The following SYTL4 variants were observed in gnomAD, a reference collection of about 807,000 sequenced individuals.
SYTL4 encodes the protein synaptotagmin-like protein 4.
SYTL4 carries 16 observed loss-of-function variants against 52.7 expected under a neutral mutation model. The ratio of observed to expected loss-of-function variants is 0.30; its 90% CI spans 0.21 to 0.46. The LOEUF is 0.46. Among genes scored for constraint, SYTL4 ranks in the 20% least tolerant of loss-of-function variants. The pLI is 1.00. For synonymous variants in SYTL4, 160 were observed against 186.6 expected (o/e 0.86, Z 1.16); for missense variants, 423 against 519.9 (o/e 0.81, Z 1.81).
chrX:100,716,514 C>A (rs1321960730), intron 2 of SYTL4, among the ~76,000 whole-genome samples: 2 of 54,776 alleles, frequency 3.7e-5, no homozygotes, highest in Non-Finnish European at 3.5e-5. Flanking sequence ...AAAATGAAAC[C>A]AAATCCAGAG....
At chrX:100,691,284 A>G (rs1391560163) in intron 8 of SYTL4, 75 bp from the exon 9 acceptor site, 2 of 700,248 alleles carry the variant, frequency 2.9e-6, no homozygotes, top group African/African-American at 4.2e-5. Flanking sequence ...TTTCCAATCC[A>G]TTCACAATCG....
At chrX:100,698,636 A>C (rs1044986203) in intron 8 of SYTL4, among the ~76,000 whole-genome samples, 1 of 111,934 alleles carries the variant, frequency 8.9e-6, no homozygotes, top group Non-Finnish European at 1.9e-5. Context: ...CAGCCAAGAT[A>C]CCATTCAAGT....
At chrX:100,682,568 G>A (rs1360213907) in intron 16 of SYTL4, among the ~76,000 whole-genome samples, 3 of 109,934 alleles carry the variant, frequency 2.7e-5, no homozygotes, top group African/African-American at 6.6e-5. Context: ...ATCAGCCGAC[G>A]GGGTGGTGTG....
Position 100,678,538 on chromosome X carries a change from G to A in SYTL4, c.1720C>T (p.Leu574=). 1 of 1,211,398 alleles carries A rather than the reference G, an allele frequency of 8.3e-7. No individual in the cohort carries two copies. The highest frequency in any genetic ancestry group is 1.1e-6 in the Non-Finnish European group (1 of 895,237). Residue 574 remains leucine, a synonymous_variant, in exon 19 of 20, where the codon CTG becomes TTG. Transcript: ENST00000372989. ...AATGTATGGTTGTAGTGAGGATTCA[G>A]GGTCTTCTTCATCACAGGAGTTTTA... ...KRKTPVMKKT[L]NPHYNHTFVY... is the part of the protein sequence containing the mutation.
chrX:100,724,313 G>C (rs1401360000), intron 2 of SYTL4, among the ~76,000 whole-genome samples: 1 of 103,261 alleles, frequency 9.7e-6, no homozygotes, highest in Non-Finnish European at 2.0e-5. Flanking sequence ...CTGCCCGGCC[G>C]CCCCTACTGG....
intron 12 of SYTL4, among the ~76,000 whole-genome samples, chrX:100,689,639 CAAAAAAAAAA>C (rs58418223): frequency 1.0e-4 from 4 of 39,658 alleles, no homozygotes; most frequent in Non-Finnish European, 1.6e-4. Flanking sequence ...AACTCCGTCT[CAAAAAAAAAA>C]AAAAAAAAAA....
intron 2 of SYTL4, among the ~76,000 whole-genome samples, chrX:100,725,845 A>G (rs1402246086): frequency 9.0e-6 from 1 of 111,491 alleles, no homozygotes; most frequent in African/African-American, 3.3e-5. Flanking sequence ...ATAGGCCCTC[A>G]GTAAATCAAA....
intron 2 of SYTL4, among the ~76,000 whole-genome samples, chrX:100,730,892 A>G (rs1602962225): frequency 9.4e-6 from 1 of 106,142 alleles, no homozygotes; most frequent in Admixed American, 1.0e-4. Context: ...TAAGTCATTA[A>G]TACCTCAATA....
At chrX:100,694,745 T>C (rs991615467) in intron 8 of SYTL4, among the ~76,000 whole-genome samples, 2 of 112,043 alleles carry the variant, frequency 1.8e-5, no homozygotes, top group Admixed American at 9.5e-5. Context: ...TAGGCATTCA[T>C]AGATATTTGT....
rs747704702 is a variant in SYTL4, at chrX:100,701,062, C to T, written c.437-63G>A. 1.0e-3 allele frequency: 1,025 copies of T among 979,636 alleles called. 5 individuals carry two copies. The Middle Eastern group carries it at 0.011, about 11-fold the overall frequency. The allele number at this position is 979,636 out of a possible 1,213,427, so 80.7% of individuals were successfully genotyped here. A position where few individuals can be genotyped will look rare whatever the true frequency, so the allele number is the denominator to read the frequency against. On this transcript the variant is annotated intron_variant, in intron 7 of 19. Coordinates refer to ENST00000372989, the MANE Select transcript of SYTL4 (RefSeq NM_001370165.1). ...TGAGTAGGGGAAAAAGGAAACAACC[C>T]TCATAGCAAATCCCCTGAAATACAC...
intron 8 of SYTL4, among the ~76,000 whole-genome samples, chrX:100,699,693 A>G (rs1311213464): frequency 1.2e-5 from 1 of 85,969 alleles, no homozygotes; most frequent in Non-Finnish European, 2.2e-5. Flanking sequence ...ATGGGGTTTC[A>G]CCATGTTGGC....
At chrX:100,709,768 G>GTA (rs1220561954) in intron 2 of SYTL4, among the ~76,000 whole-genome samples, 2 of 112,430 alleles carry the variant, frequency 1.8e-5, no homozygotes, top group South Asian at 7.3e-4. Context: ...TTGTCAGTTT[G>GTA]TATATGTTCA....
chrX:100,709,141 T>A (rs761818088), intron 2 of SYTL4, among the ~76,000 whole-genome samples: 1 of 111,296 alleles, frequency 9.0e-6, no homozygotes, highest in South Asian at 3.9e-4. Flanking sequence ...AGAGCTGTAA[T>A]AGAGCTGAGA....
intron 2 of SYTL4, among the ~76,000 whole-genome samples, chrX:100,714,570 A>T (rs1228761183): frequency 1.8e-5 from 2 of 111,848 alleles, no homozygotes; most frequent in African/African-American, 6.5e-5. Context: ...AGGTTTTTTA[A>T]TAGAGAATAA....
At chrX:100,688,110 C>T in intron 13 of SYTL4, 1 of 323,375 alleles carries the variant, frequency 3.1e-6, no homozygotes. Flanking sequence ...GTTCACAAAG[C>T]TGTGATGAAA....
chrX:100,726,538 C>A (rs777162261), intron 2 of SYTL4, among the ~76,000 whole-genome samples: 9 of 109,271 alleles, frequency 8.2e-5, no homozygotes, highest in Admixed American at 2.0e-4. Flanking sequence ...AATGGAAGAG[C>A]CACCACTTTT....
chrX:100,721,438 G>A (rs1376111794), intron 2 of SYTL4, among the ~76,000 whole-genome samples: 1 of 112,041 alleles, frequency 8.9e-6, no homozygotes, highest in Non-Finnish European at 1.9e-5. Flanking sequence ...TATGACAGAA[G>A]GGACTTTGTT....
At chrX:100,685,343 G>C (rs1290314209) in intron 16 of SYTL4, 1 of 112,049 alleles carries the variant, frequency 8.9e-6, no homozygotes, top group Admixed American at 9.5e-5. Flanking sequence ...TCATTGTGTA[G>C]TTCTGATAAT....
chrX:100,712,971 A>G (rs1475861405), intron 2 of SYTL4, among the ~76,000 whole-genome samples: 2 of 112,364 alleles, frequency 1.8e-5, no homozygotes, highest in South Asian at 3.7e-4. Flanking sequence ...AATGACCAAA[A>G]TTTAAAATGC....
Sources: allele counts gnomAD v4.1 joint callset (sites outside exome capture counted in the v4.1 genomes callset), GRCh38; gene constraint gnomAD v4.1.1; transcripts MANE v1.5; gene names NCBI Gene and HGNC (gene_info 2026-07-23, HGNC 2026-07-21).